PLXNA3: variants seen among roughly 807,000 people sequenced by gnomAD.
PLXNA3 encodes the protein plexin-A3.
A neutral mutation model predicts 118.8 loss-of-function variants in PLXNA3; 52 were observed. The ratio of observed to expected loss-of-function variants is 0.44; its 90% CI spans 0.35 to 0.55. The LOEUF (loss-of-function observed/expected upper bound fraction) is 0.55. Among genes scored for constraint, PLXNA3 ranks in the 20% least tolerant of loss-of-function variants. The pLI is 0.01. For synonymous variants in PLXNA3, 925 were observed against 762.4 expected (o/e 1.21, Z -3.51); for missense variants, 1,660 against 1,730.8 (o/e 0.96, Z 0.73).
At position 154,473,955 on chromosome X, in the gene PLXNA3, A is replaced by G. The variant is rs782176022; in HGVS notation, c.*1270A>G. 1 of 111,382 alleles carries G rather than the reference A, an allele frequency of 9.0e-6. No homozygotes were observed. Among genetic ancestry groups the G allele is most frequent in the South Asian group, 3.7e-4 (1 of 2,672 alleles). The allele number at this position is 111,382 out of a possible 1,213,427, so 9.2% of individuals were successfully genotyped here. On this transcript the variant is annotated 3_prime_UTR_variant, in exon 33 of 33. Transcript: ENST00000369682. ...TGTTCTCAGCGTGGGAGGCAGAGAG[A>G]TCCTGTTATGATATAAGGTGGATCA...
intron 16 of PLXNA3, 34 bp from the exon 17 acceptor site, chrX:154,466,589 C>T (rs782291332): frequency 5.9e-6 from 7 of 1,189,126 alleles, no homozygotes; most frequent in Non-Finnish European, 7.9e-6. Flanking sequence ...GGGCCCTGGG[C>T]CACCCGCTCC....
rs960835473 is a variant in PLXNA3 at position 154,477,313 on chromosome X, G to A, written c.*4628G>A. On this transcript the variant is annotated 3_prime_UTR_variant, in exon 33 of 33. Transcript: ENST00000369682. Reference sequence around the variant, plus strand: ...TTGTTTTCTGAGAATAAAAGCAGTTGTACCTCTTCCTTTTCACTCTCAGAA... The same window carrying A: ...TTGTTTTCTGAGAATAAAAGCAGTTATACCTCTTCCTTTTCACTCTCAGAA... The A allele has an allele frequency of 8.9e-6, 1 of 112,436 alleles. No individual in the cohort carries two copies. The highest frequency in any genetic ancestry group is 1.9e-5 in the Non-Finnish European group (1 of 53,317). The allele number at this position is 112,436 out of a possible 1,213,427, so 9.3% of individuals were successfully genotyped here. A position where few individuals can be genotyped will look rare whatever the true frequency, so the allele number is the denominator to read the frequency against.
chrX:154,463,295 G>A (rs782414856), intron 4 of PLXNA3, 96 bp from the exon 5 acceptor site: 35 of 1,147,732 alleles, frequency 3.0e-5, no homozygotes, highest in South Asian at 1.6e-4. Flanking sequence ...AGGTCCTGAC[G>A]TCAGCTCAGC....
chrX:154,466,895 A>G (rs1557207363), intron 17 of PLXNA3, 102 bp downstream of exon 17: 7 of 877,253 alleles, frequency 8.0e-6, no homozygotes, highest in Admixed American at 3.3e-5. Flanking sequence ...CTAGGCCCTC[A>G]TTGGTGGAGG....
Position 154,467,295 on chromosome X carries a change from C to T in PLXNA3, c.3265C>T (p.Pro1089Ser). The T allele has an allele frequency of 8.3e-7, 1 of 1,208,686 alleles. No individual in the cohort carries two copies. The highest frequency in any genetic ancestry group is 1.1e-6 in the Non-Finnish European group (1 of 895,209). The change falls in exon 19 of 33, where the codon CCC becomes TCC. Residue 1089 changes from proline (P) to serine (S), a missense_variant. This residue lies in a region of PLXNA3 where 869 missense variants were observed against 1,078.7 expected (regional missense o/e 0.81). Transcript: ENST00000369682. ...GGCCCCCGGCATCTTTCTTGGGCGG[C>T]CCCAGCCTCGGGCGCAAGGCGAGCA... The part of the protein sequence containing the change: ...CKAPGIFLGR[P>S]QPRAQGEHPD...
rs1031347188 is a variant in PLXNA3, at chrX:154,475,308, T to G, written c.*2623T>G. ...TAGACACAGGGTTTCTCCATGTTGGTCAGGCTGGTCTCGAGCTCCCGACCT... is the reference window on the plus strand; with the variant it reads ...TAGACACAGGGTTTCTCCATGTTGGGCAGGCTGGTCTCGAGCTCCCGACCT... On this transcript the variant is annotated 3_prime_UTR_variant, in exon 33 of 33. Transcript: ENST00000369682. The G allele has an allele frequency of 3.6e-5, 4 of 110,775 alleles. No individual in the cohort carries two copies. Among genetic ancestry groups the G allele is most frequent in the Non-Finnish European group, 5.7e-5 (3 of 52,679 alleles). 9.1% of individuals were successfully genotyped at this position (110,775 alleles called of 1,213,427 possible).
At chrX:154,466,912 A>G in intron 17 of PLXNA3, 119 bp downstream of exon 17, 2 of 859,277 alleles carry the variant, frequency 2.3e-6, no homozygotes, top group South Asian at 4.9e-5. Flanking sequence ...GAGGGGGTGG[A>G]GCTGTCCTGG....
Position 154,465,927 on chromosome X carries a change from C to T in PLXNA3, c.2533-8C>T. The stretch of plus-strand genomic sequence containing the variant: ...GCCAACTCTCTCACTGCCCATCCTG[C>T]TCCACAGATCCACCCTCTCGTGGGG... On this transcript the variant is annotated splice_region_variant and splice_polypyrimidine_tract_variant and intron_variant, in intron 13 of 32. Transcript: ENST00000369682. The T allele has an allele frequency of 8.3e-7, 1 of 1,211,622 alleles. No individual in the cohort carries two copies. The highest frequency in any genetic ancestry group is 3.0e-5 in the East Asian group (1 of 33,869).
rs2068944666 is a variant in PLXNA3 at position 154,461,034 on chromosome X, T to C, written c.595-65T>C. On this transcript the variant is annotated intron_variant, in intron 2 of 32. Coordinates refer to ENST00000369682, the MANE Select transcript of PLXNA3 (RefSeq NM_017514.5). Reference sequence around the variant, plus strand: ...GCGGGAGGGGGATGCAGAGGGAAGCTGGCGGTGGCCCGTGATGTTGGCACA... The same window carrying C: ...GCGGGAGGGGGATGCAGAGGGAAGCCGGCGGTGGCCCGTGATGTTGGCACA... 3 of 989,633 alleles carry C rather than the reference T, an allele frequency of 3.0e-6. No individual in the cohort carries two copies. The East Asian group carries it at 9.2e-5, about 30-fold the overall frequency. The allele number at this position is 989,633 out of a possible 1,213,427, so 81.6% of individuals were successfully genotyped here. A position where few individuals can be genotyped will look rare whatever the true frequency, so the allele number is the denominator to read the frequency against.
In PLXNA3 at chrX:154,467,483, G is replaced by A. The variant is rs368128330; in HGVS notation, c.3441+12G>A. The A allele has an allele frequency of 9.6e-5, 111 of 1,154,112 alleles. No individual in the cohort carries two copies. In the African/African-American group the frequency reaches 1.9e-3, roughly 20 times the overall value. ...ACGTGGTGCTGAAGGTGCGGGCGGG[G>A]TGGGGGCGGGGAGGGGCGGGAAAGT... On this transcript the variant is annotated intron_variant, in intron 19 of 32. Transcript: ENST00000369682.
Position 154,466,409 on chromosome X carries a change from G to C in PLXNA3, c.2833G>C (p.Gly945Arg). The C allele has an allele frequency of 8.3e-7, 1 of 1,211,376 alleles. No homozygotes were observed. The highest frequency in any genetic ancestry group is 1.1e-6 in the Non-Finnish European group (1 of 895,426). The change falls in exon 16 of 33, where the codon GGC becomes CGC. Residue 945 changes from glycine (G) to arginine (R), a missense_variant. Physicochemically the swap from Gly to Arg is moderately radical, Grantham distance 125 (BLOSUM62 -2). This residue lies in a region of PLXNA3 where 869 missense variants were observed against 1,078.7 expected (regional missense o/e 0.81). Transcript: ENST00000369682. ...PTFDQVSPSR[G>R]PASGGTRLTI... ...GTTTGACCAAGTGAGTCCCAGCCGT[G>C]GCCCGGCGTCCGGGGGCACACGGCT...
chrX:154,465,192 A>C lies in PLXNA3; in HGVS notation c.2218A>C (p.Ser740Arg). 2.5e-6 allele frequency: 3 copies of C among 1,209,457 alleles called. No individual in the cohort carries two copies. The highest frequency in any genetic ancestry group is 3.4e-6 in the Non-Finnish European group (3 of 894,837). The change falls in exon 11 of 33, where the codon AGC becomes CGC. Residue 740 changes from serine (S) to arginine (R), a missense_variant. Ser to Arg is a moderately radical substitution (Grantham distance 110). Transcript: ENST00000369682. ...QRVPAVRFNS[S>R]SVQCQNASYS... ...GGTGCCTGCCGTGCGCTTCAACAGCAGCAGTGTGCAGTGCCAGAACGCCTC... is the reference window on the plus strand; with the variant it reads ...GGTGCCTGCCGTGCGCTTCAACAGCCGCAGTGTGCAGTGCCAGAACGCCTC...
At chrX:154,472,493 G>A (rs1557209779) in intron 32 of PLXNA3, 97 bp from the exon 33 acceptor site, 23 of 564,921 alleles carry the variant, frequency 4.1e-5, no homozygotes, top group Non-Finnish European at 6.6e-5. Flanking sequence ...GGGATGAGGC[G>A]TGTGGGAGGG....
chrX:154,466,867 TG>T, intron 17 of PLXNA3, 74 bp downstream of exon 17: 1 of 984,965 alleles, frequency 1.0e-6, no homozygotes, highest in Non-Finnish European at 1.4e-6. Context: ...TGAGCTCCGG[TG>T]GGGCCCCTCC....
chrX:154,465,185 C>G lies in PLXNA3; in HGVS notation c.2211C>G (p.Phe737Leu), dbSNP rs782579494. The change falls in exon 11 of 33, where the codon TTC becomes TTG. Residue 737 changes from phenylalanine (F) to leucine (L), a missense_variant. By Grantham distance (22) the Phe-to-Leu change is conservative. This residue lies in a region of PLXNA3 where 869 missense variants were observed against 1,078.7 expected (regional missense o/e 0.81). Transcript: ENST00000369682. ...AGCAGCGGGTGCCTGCCGTGCGCTT[C>G]AACAGCAGCAGTGTGCAGTGCCAGA... ...GRQQRVPAVR[F>L]NSSSVQCQNA... is the part of the protein sequence containing the mutation. 2.5e-6 allele frequency: 3 copies of G among 1,208,458 alleles called. No homozygotes were observed. Among genetic ancestry groups the G allele is most frequent in the Admixed American group, 2.2e-5 (1 of 45,901 alleles).
intron 1 of PLXNA3, among the ~76,000 whole-genome samples, chrX:154,458,853 C>T (rs1239982148): frequency 7.1e-5 from 8 of 111,978 alleles, no homozygotes; most frequent in African/African-American, 2.6e-4. Context: ...TTGCCACTTA[C>T]AGGTGGGGGC....
Position 154,469,361 on chromosome X carries a change from G to A in PLXNA3, c.4595-18G>A, listed in dbSNP as rs782002084. 9.8e-5 allele frequency: 116 copies of A among 1,186,280 alleles called. No individual in the cohort carries two copies. The South Asian group carries it at 2.0e-3, about 21-fold the overall frequency. On this transcript the variant is annotated intron_variant, in intron 26 of 32. Coordinates refer to ENST00000369682, the MANE Select transcript of PLXNA3 (RefSeq NM_017514.5). ...GGGGGCTGCCAGCATAATCTTAAGG[G>A]CTGTCTGTGGCCCACAGAGTGGCGC...
rs202056396 is a variant in PLXNA3 at position 154,461,188 on chromosome X, C to T, written c.684C>T (p.Tyr228=). 213 of 1,210,645 alleles carry T rather than the reference C, an allele frequency of 1.8e-4. No individual in the cohort carries two copies. Among genetic ancestry groups the T allele is most frequent in the African/African-American group, 5.9e-4 (34 of 57,730 alleles). ...CTGCCTTTGACATCTACTACATCTA[C>T]GGCTTCGTCAGCGCCTCCTTCGTGT... is the stretch of plus-strand genomic sequence containing the variant. ...LYPAFDIYYI[Y]GFVSASFVYF... Residue 228 remains tyrosine, a synonymous_variant, in exon 3 of 33, where the codon TAC becomes TAT. Coordinates refer to ENST00000369682, the MANE Select transcript of PLXNA3 (RefSeq NM_017514.5).
chrX:154,469,866 C>G, intron 28 of PLXNA3, 82 bp downstream of exon 28: 1 of 1,106,895 alleles, frequency 9.0e-7, no homozygotes, highest in East Asian at 3.0e-5. Flanking sequence ...AGAGTGTAGA[C>G]GGAGGGTCGG....
Sources: allele counts gnomAD v4.1 joint callset (sites outside exome capture counted in the v4.1 genomes callset), GRCh38; gene constraint gnomAD v4.1.1; regional missense constraint gnomAD v4.1.1; transcripts MANE v1.5; gene names NCBI Gene and HGNC (gene_info 2026-07-23, HGNC 2026-07-21).